The following NALF1 variants were observed in gnomAD, a reference collection of about 807,000 sequenced individuals.
NALF1 encodes the protein family with sequence similarity 155 member A.
NALF1 carries 3 observed loss-of-function variants against 48.4 expected under a neutral mutation model. That is an observed-to-expected ratio of 0.06 (90% CI 0.03 to 0.16). The LOEUF is 0.16. Ranked by LOEUF, NALF1 falls within the 10% of genes least tolerant of loss-of-function variation. The pLI is 1.00. For synonymous variants in NALF1, 262 were observed against 245.7 expected (o/e 1.07, Z -0.62); for missense variants, 526 against 571.5 (o/e 0.92, Z 0.81).
chr13:107,272,686 A>T (rs1350957501), intron 1 of NALF1, among the ~76,000 whole-genome samples: 2 of 152,182 alleles, frequency 1.3e-5, no homozygotes, highest in Admixed American at 6.5e-5. Flanking sequence ...TTGTAGGATC[A>T]TCAGAAAGTA....
intron 1 of NALF1, among the ~76,000 whole-genome samples, chr13:107,439,426 C>G (rs975400532): frequency 6.6e-6 from 1 of 152,216 alleles, no homozygotes; most frequent in African/African-American, 2.4e-5. Flanking sequence ...CTTGCCACTG[C>G]TCTGGTTCTG....
At chr13:107,394,335 A>C (rs1566323683) in intron 1 of NALF1, among the ~76,000 whole-genome samples, 1 of 152,226 alleles carries the variant, frequency 6.6e-6, no homozygotes, top group Non-Finnish European at 1.5e-5. Context: ...TCAACAGCTT[A>C]AAATAAATAA....
At chr13:107,611,002 A>C (rs1736994286) in intron 1 of NALF1, among the ~76,000 whole-genome samples, 1 of 152,166 alleles carries the variant, frequency 6.6e-6, no homozygotes, top group African/African-American at 2.4e-5. Context: ...AGGTGGAAGG[A>C]GAGAAAGAAG....
intron 1 of NALF1, among the ~76,000 whole-genome samples, chr13:107,393,679 GT>G (rs1252626010): frequency 6.6e-6 from 1 of 152,096 alleles, no homozygotes; most frequent in Non-Finnish European, 1.5e-5. Flanking sequence ...TTATGTTAAT[GT>G]TTATGTCCGC....
chr13:107,469,760 T>C (rs1885068002), intron 1 of NALF1, among the ~76,000 whole-genome samples: 1 of 110,992 alleles, frequency 9.0e-6, no homozygotes, highest in Admixed American at 9.6e-5. Context: ...TTTTTTTTTT[T>C]TGAGACAGCG....
At chr13:107,566,054 A>T (rs1189420710) in intron 1 of NALF1, among the ~76,000 whole-genome samples, 1 of 152,194 alleles carries the variant, frequency 6.6e-6, no homozygotes, top group Admixed American at 6.5e-5. Flanking sequence ...TTATTGCTCA[A>T]ACATCATAAG....
chr13:107,714,626 T>TAAAAA (rs10633995), intron 1 of NALF1, among the ~76,000 whole-genome samples: 3 of 126,470 alleles, frequency 2.4e-5, no homozygotes, highest in Non-Finnish European at 4.9e-5. Flanking sequence ...GAGGCTTTAT[T>TAAAAA]AAAAAAAAAA....
chr13:107,448,623 G>A (rs1884689546), intron 1 of NALF1, among the ~76,000 whole-genome samples: 1 of 152,104 alleles, frequency 6.6e-6, no homozygotes, highest in Non-Finnish European at 1.5e-5. Flanking sequence ...ATGCATTACT[G>A]ATCATTCACT....
At chr13:107,582,048 T>G (rs1878327131) in intron 1 of NALF1, among the ~76,000 whole-genome samples, 1 of 152,168 alleles carries the variant, frequency 6.6e-6, no homozygotes, top group South Asian at 2.1e-4. Flanking sequence ...TGTTGAACTC[T>G]CCAGTGCTGT....
chr13:107,767,821 C>CAT (rs778578609), intron 1 of NALF1, among the ~76,000 whole-genome samples: 51 of 152,184 alleles, frequency 3.4e-4, no homozygotes, highest in Non-Finnish European at 6.9e-4. Context: ...CCTGCTCTAG[C>CAT]ATATACTTCA....
intron 1 of NALF1, among the ~76,000 whole-genome samples, chr13:107,303,144 G>A (rs1170277327): frequency 3.9e-5 from 6 of 152,092 alleles, no homozygotes; most frequent in African/African-American, 9.6e-5. Context: ...ATGTCTGATC[G>A]TTTTAAGCTT....
intron 1 of NALF1, among the ~76,000 whole-genome samples, chr13:107,576,846 G>C (rs1349316287): frequency 1.3e-5 from 2 of 152,138 alleles, no homozygotes. Flanking sequence ...TCTCAGTGTA[G>C]GATTGACTTA....
At chr13:107,610,321 C>T (rs965850973) in intron 1 of NALF1, among the ~76,000 whole-genome samples, 1 of 152,160 alleles carries the variant, frequency 6.6e-6, no homozygotes, top group African/African-American at 2.4e-5. Flanking sequence ...CAAGAGTACC[C>T]ATTACACCAA....
chr13:107,336,424 T>C (rs923040067), intron 1 of NALF1, among the ~76,000 whole-genome samples: 2 of 151,972 alleles, frequency 1.3e-5, no homozygotes, highest in African/African-American at 2.4e-5. Flanking sequence ...GTAGAAAAAT[T>C]ACATTTCAGG....
intron 1 of NALF1, among the ~76,000 whole-genome samples, chr13:107,581,381 G>A (rs1326867553): frequency 2.6e-5 from 4 of 152,154 alleles, no homozygotes; most frequent in Non-Finnish European, 5.9e-5. Context: ...ATACCTTTGA[G>A]CTTCCTACTT....
intron 1 of NALF1, among the ~76,000 whole-genome samples, chr13:107,673,837 A>C (rs1374743393): frequency 6.6e-6 from 1 of 152,186 alleles, no homozygotes; most frequent in Non-Finnish European, 1.5e-5. Flanking sequence ...AATAGTAATA[A>C]TGAAGAAGAA....
intron 1 of NALF1, among the ~76,000 whole-genome samples, chr13:107,684,058 A>T (rs955865506): frequency 1.3e-5 from 2 of 152,140 alleles, no homozygotes; most frequent in Non-Finnish European, 2.9e-5. Flanking sequence ...GATTCAGGGC[A>T]CCTGCACCTC....
chr13:107,414,945 G>A (rs9301225), intron 1 of NALF1, among the ~76,000 whole-genome samples: 36,350 of 151,942 alleles, frequency 0.24, 4,458 homozygotes, highest in Middle Eastern at 0.27. Flanking sequence ...CCCTTGCACA[G>A]TGTTCTAGAA....
intron 1 of NALF1, among the ~76,000 whole-genome samples, chr13:107,400,994 G>T (rs2138991367): frequency 6.6e-6 from 1 of 152,256 alleles, no homozygotes; most frequent in South Asian, 2.1e-4. Flanking sequence ...CATAAATGCA[G>T]TCTTAATTAT....
Sources: allele counts gnomAD v4.1 joint callset (sites outside exome capture counted in the v4.1 genomes callset), GRCh38; gene constraint gnomAD v4.1.1; transcripts MANE v1.5; gene names NCBI Gene and HGNC (gene_info 2026-07-23, HGNC 2026-07-21).